Variants in UGP2 observed in about 807,000 individuals in gnomAD.
UGP2 encodes UTP--glucose-1-phosphate uridylyltransferase.
Under a neutral mutation model 49.0 loss-of-function variants are expected in UGP2, and 40 were observed. That is an observed-to-expected ratio of 0.82 (90% CI 0.63 to 1.06). UGP2 has a LOEUF of 1.06. UGP2 is among the 50% of genes least tolerant of loss of function. UGP2 has a pLI of 0.00. For synonymous variants in UGP2, 225 were observed against 213.0 expected, an observed-to-expected ratio of 1.06 and a Z score of -0.49; for missense variants, 460 against 603.5, an observed-to-expected ratio of 0.76 and a Z score of 2.49.
At chr2:63,842,505 T>C (rs942754505) in intron 1 of UGP2, 1 of 1,535,980 alleles carries the variant, frequency 6.5e-7, no homozygotes, top group Non-Finnish European at 8.7e-7. Context: ...GGCTGCTAAT[T>C]AATCCTTGTT....
rs1671884512 is a variant in UGP2 at position 63,845,722 on chromosome 2, T to C, written c.19+3518T>C. Among the ~76,000 whole-genome samples, 4 of 152,284 alleles carry C rather than the reference T, an allele frequency of 2.6e-5. 1 individual carries two copies. The South Asian group carries it at 8.3e-4, about 32-fold the overall frequency. ...CTGGCATATCCCTTATGGTAGGCAC[T>C]GAAGTTCAGCAGATCTGGGCATTAC... On this transcript the variant is annotated intron_variant, in intron 1 of 9. Transcript: ENST00000337130.
At chr2:63,887,781 A>C in intron 8 of UGP2, 137 bp downstream of exon 8, 1 of 1,127,030 alleles carries the variant, frequency 8.9e-7, no homozygotes, top group Non-Finnish European at 1.2e-6. Context: ...ATACCTTTTA[A>C]AGGGAATTGA....
Position 63,867,822 on chromosome 2 carries a change from G to GT in UGP2, c.255+9888dup, listed in dbSNP as rs1670280819. Among the ~76,000 whole-genome samples, 3 of 152,204 alleles carry GT rather than the reference G, an allele frequency of 2.0e-5. No homozygotes were observed. The South Asian group carries it at 6.2e-4, about 32-fold the overall frequency. ...TATAATTTTCTTTATCAAATGTGTT[G>GT]TTAGTCTGCAGTTTTCATTGTATTA... On this transcript the variant is annotated intron_variant, in intron 3 of 9. Transcript: ENST00000337130.
At position 63,863,423 on chromosome 2, in the gene UGP2, G is replaced by T. The variant is rs368089534; in HGVS notation, c.255+5487G>T. Among the ~76,000 whole-genome samples, 3 of 152,056 alleles carry T rather than the reference G, an allele frequency of 2.0e-5. No individual in the cohort carries two copies. The East Asian group carries it at 5.8e-4, about 29-fold the overall frequency. ...TAGTTTTCCAGGTTTAAAGTGCACA[G>T]TTGGGAGCATTATAATTTTACATCT... On this transcript the variant is annotated intron_variant, in intron 3 of 9. Coordinates refer to ENST00000337130, the MANE Select transcript of UGP2 (RefSeq NM_006759.4).
chr2:63,879,357 G>T (rs1384783546), intron 3 of UGP2, among the ~76,000 whole-genome samples: 2 of 152,028 alleles, frequency 1.3e-5, no homozygotes, highest in Non-Finnish European at 2.9e-5. Flanking sequence ...CAGAATTATT[G>T]TAGCATTTTT....
chr2:63,877,542 C>T (rs1469915070), intron 3 of UGP2, among the ~76,000 whole-genome samples: 1 of 152,248 alleles, frequency 6.6e-6, no homozygotes, highest in African/African-American at 2.4e-5. Context: ...CACACAGTCA[C>T]TTGAGATCTT....
rs975684340 is a variant in UGP2 at position 63,877,598 on chromosome 2, A to T, written c.256-4868A>T. On this transcript the variant is annotated intron_variant, in intron 3 of 9. Coordinates refer to ENST00000337130, the MANE Select transcript of UGP2 (RefSeq NM_006759.4). ...TGGTGATGGAGTAATGGCTCTCATG[A>T]CAAGTGTGTCTCTGAACATCAGTTT... is the stretch of plus-strand genomic sequence containing the variant. 2.6e-5 allele frequency among the ~76,000 whole-genome samples: 4 copies of T among 152,232 alleles called. No homozygotes were observed. In the East Asian group the frequency reaches 7.7e-4, roughly 29 times the overall value.
intron 7 of UGP2, among the ~76,000 whole-genome samples, chr2:63,886,750 G>C (rs1361717054): frequency 6.6e-6 from 1 of 152,166 alleles, no homozygotes; most frequent in Admixed American, 6.5e-5. Context: ...ACCCTGGGTT[G>C]TGGTAGTGGC....
intron 1 of UGP2, among the ~76,000 whole-genome samples, chr2:63,850,643 C>A (rs1003537217): frequency 6.6e-6 from 1 of 152,194 alleles, no homozygotes; most frequent in African/African-American, 2.4e-5. Flanking sequence ...TTTGTCTAGA[C>A]TACCTATCTG....
chr2:63,853,614 C>A (rs1669182769), intron 1 of UGP2, among the ~76,000 whole-genome samples: 1 of 152,058 alleles, frequency 6.6e-6, no homozygotes, highest in Admixed American at 6.6e-5. Context: ...TTTTCCATGG[C>A]CTGTGCATTA....
intron 3 of UGP2, among the ~76,000 whole-genome samples, chr2:63,882,246 A>G (rs1671367331): frequency 2.0e-5 from 3 of 152,226 alleles, no homozygotes; most frequent in African/African-American, 4.8e-5. Context: ...ACTCCATTGT[A>G]AAGTAAATGA....
chr2:63,860,591 C>T (rs1669767179), intron 3 of UGP2, among the ~76,000 whole-genome samples: 1 of 151,692 alleles, frequency 6.6e-6, no homozygotes, highest in Non-Finnish European at 1.5e-5. Flanking sequence ...TAATTTTTAT[C>T]TTTATTTTTT....
intron 3 of UGP2, among the ~76,000 whole-genome samples, chr2:63,872,730 G>C (rs569213620): frequency 1.3e-5 from 2 of 151,004 alleles, no homozygotes; most frequent in Non-Finnish European, 2.9e-5. Context: ...TTTCCCTTTA[G>C]CATGTCCTTG....
At chr2:63,887,373 T>A (rs141793147) in intron 7 of UGP2, 29 bp from the exon 8 acceptor site, 4 of 1,612,710 alleles carry the variant, frequency 2.5e-6, no homozygotes, top group Non-Finnish European at 3.4e-6. Flanking sequence ...AACCTCTGTT[T>A]TCTATTCCCC....
Position 63,842,287 on chromosome 2 carries a change from A to C in UGP2, c.19+83A>C, listed in dbSNP as rs1671610278. On this transcript the variant is annotated intron_variant, in intron 1 of 9. Coordinates refer to ENST00000337130, the MANE Select transcript of UGP2 (RefSeq NM_006759.4). ...GTGGAGAGGTTGGTGGGTGGTTTGG[A>C]AGTGGAAATGTTCATTTGAGATAAC... The C allele has an allele frequency of 4.4e-5, 71 of 1,607,760 alleles. No homozygotes were observed. The South Asian group carries it at 5.6e-4, about 13-fold the overall frequency.
chr2:63,857,948 A>G lies in UGP2; in HGVS notation c.255+12A>G, dbSNP rs1669560498. The G allele has an allele frequency of 6.2e-7, 1 of 1,611,770 alleles. No individual in the cohort carries two copies. ...CCCCTGAAGATTCGGTAAGTTTTAG[A>G]TAAAATGTAGGAAAATGTAGGGTAA... On this transcript the variant is annotated intron_variant, in intron 3 of 9. Coordinates refer to ENST00000337130, the MANE Select transcript of UGP2 (RefSeq NM_006759.4).
chr2:63,849,390 A>G (rs1319952510), intron 1 of UGP2, among the ~76,000 whole-genome samples: 2 of 152,250 alleles, frequency 1.3e-5, no homozygotes, highest in African/African-American at 4.8e-5. Context: ...ATGCCTGCCT[A>G]GAATTTTAAA....
chr2:63,861,699 A>C (rs566951530), intron 3 of UGP2, among the ~76,000 whole-genome samples: 7 of 151,662 alleles, frequency 4.6e-5, no homozygotes, highest in African/African-American at 9.7e-5. Context: ...AAAAAAAAAA[A>C]AAAACAAAAA....
intron 9 of UGP2, 35 bp downstream of exon 9, chr2:63,890,220 G>A (rs1328499004): frequency 6.7e-7 from 1 of 1,488,270 alleles, no homozygotes; most frequent in Non-Finnish European, 9.3e-7. Flanking sequence ...ATTTCTTACA[G>A]CTTACAATAT....
Sources: gnomAD v4.1 joint callset for allele counts (sites outside exome capture counted in the v4.1 genomes callset) on GRCh38, gnomAD v4.1.1 for gene constraint, MANE v1.5 for transcripts, NCBI Gene and HGNC (gene_info 2026-07-23, HGNC 2026-07-21) for gene names.